Variants in BIRC6 observed in about 807,000 individuals in gnomAD.
BIRC6 encodes the protein baculoviral IAP repeat containing 6.
Under a neutral mutation model 503.3 loss-of-function variants are expected in BIRC6, and 98 were observed. The observed-to-expected ratio is 0.19, with a 90% CI of 0.17 to 0.23. The LOEUF (loss-of-function observed/expected upper bound fraction) is 0.23, where lower values mean the gene tolerates loss of function less well. Ranked by LOEUF, BIRC6 falls within the 10% of genes least tolerant of loss-of-function variation. The pLI is 1.00. For missense variants in BIRC6, 5,360 were observed against 5,806.0 expected, an observed-to-expected ratio of 0.92 and a Z score of 2.50; for synonymous variants, 2,240 against 2,078.7, an observed-to-expected ratio of 1.08 and a Z score of -2.11.
intron 66 of BIRC6, among the ~76,000 whole-genome samples, chr2:32,575,795 C>T (rs1193194440): frequency 6.6e-6 from 1 of 151,992 alleles, no homozygotes; most frequent in Admixed American, 6.6e-5. Flanking sequence ...ACATGCACAC[C>T]CTCACACACA....
rs377720984 is a variant in BIRC6 at position 32,493,781 on chromosome 2, C to T, written c.8468+114C>T. The T allele has an allele frequency of 1.1e-5, 9 of 832,432 alleles. No individual in the cohort carries two copies. In the East Asian group the frequency reaches 1.1e-4, roughly 10 times the overall value. 51.6% of individuals were successfully genotyped at this position (832,432 alleles called of 1,614,324 possible). A position where few individuals can be genotyped will look rare whatever the true frequency, so the allele number is the denominator to read the frequency against. On this transcript the variant is annotated intron_variant, in intron 45 of 73. Transcript: ENST00000421745. ...ATCTGTGAACAAATAAGCAGGAGGA[C>T]GGTAGTAATTAAGGGGGAAGGATAT... is the stretch of plus-strand genomic sequence containing the variant.
At chr2:32,491,826 A>G (rs1166263080) in intron 44 of BIRC6, among the ~76,000 whole-genome samples, 6 of 152,160 alleles carry the variant, frequency 3.9e-5, no homozygotes, top group Non-Finnish European at 8.8e-5. Context: ...AAACATTCTG[A>G]GTAAATACTG....
intron 65 of BIRC6, among the ~76,000 whole-genome samples, chr2:32,561,766 TG>T (rs538631943): frequency 0.49 from 1,280 of 2,606 alleles, 10 homozygotes; most frequent in Middle Eastern, 0.5. Flanking sequence ...TAGATTTTGC[TG>T]GGGGCAGTGC....
rs146115856 is a variant in BIRC6, at chr2:32,469,483, A to G, written c.6216A>G (p.Pro2072=). Residue 2072 remains proline (P), a synonymous_variant, in exon 30 of 74, where the codon CCA becomes CCG. Coordinates refer to ENST00000421745, the MANE Select transcript of BIRC6 (RefSeq NM_016252.4). The stretch of plus-strand genomic sequence containing the variant: ...AACACTTGTGCATCAGTGGAACCCC[A>G]AAGATACGGTTACATACTGGTCTTC... The part of the protein sequence containing the change: ...LFKHLCISGT[P]KIRLHTGLLL... 8.1e-6 allele frequency: 13 copies of G among 1,613,818 alleles called. No homozygotes were observed. The highest frequency in any genetic ancestry group is 1.0e-5 in the Non-Finnish European group (12 of 1,179,840).
intron 59 of BIRC6, 190 bp from the exon 60 acceptor site, chr2:32,529,461 G>T (rs1056715312): frequency 8.0e-6 from 4 of 497,614 alleles, no homozygotes; most frequent in Non-Finnish European, 1.4e-5. Flanking sequence ...AGACATTATT[G>T]TTCATTATTA....
At chr2:32,575,484 G>C in intron 66 of BIRC6, 118 bp downstream of exon 66, 1 of 919,124 alleles carries the variant, frequency 1.1e-6, no homozygotes, top group Non-Finnish European at 1.7e-6. Flanking sequence ...TACACCCTCG[G>C]CTGGGTGCGG....
chr2:32,513,107 G>A lies in BIRC6; in HGVS notation c.10521G>A (p.Leu3507=), dbSNP rs759435774. ...CCATTCTGTGGCATAGTTATGAGCT[G>A]CTTGTAGAATATGACTTACCAGCAC... ...VAAILWHSYE[L]LVEYDLPALL... The change falls in exon 54 of 74, where the codon CTG becomes CTA. Residue 3507 remains leucine, a synonymous_variant. Coordinates refer to ENST00000421745, the MANE Select transcript of BIRC6 (RefSeq NM_016252.4). 6.2e-7 allele frequency: 1 copy of A among 1,613,828 alleles called. No homozygotes were observed. Among genetic ancestry groups the A allele is most frequent in the Non-Finnish European group, 8.5e-7 (1 of 1,179,846 alleles).
At position 32,461,068 on chromosome 2, in the gene BIRC6, T is replaced by TTCTTC. The variant is rs2047890509; in HGVS notation, c.4754-2123_4754-2122insTCTCT. On this transcript the variant is annotated intron_variant, in intron 23 of 73. Transcript: ENST00000421745. ...TTCTCTTCTCTTCTCTTCTCTTCTG[T>TTCTTC]TCTCCTCTCCTCTCCTCTCCTCTCC... Among the ~76,000 whole-genome samples the TTCTTC allele has an allele frequency of 4.4e-3, 117 of 26,876 alleles. 2 individuals are homozygous for TTCTTC. The highest frequency in any genetic ancestry group is 9.2e-3 in the African/African-American group (83 of 8,978). The allele number at this position is 26,876 out of a possible 152,430, so 17.6% of individuals were successfully genotyped here.
At chr2:32,460,995 CTG>C (rs1296018481) in intron 23 of BIRC6, among the ~76,000 whole-genome samples, 1 of 137,436 alleles carries the variant, frequency 7.3e-6, no homozygotes, top group Non-Finnish European at 1.6e-5. Flanking sequence ...CTGCTCTGCT[CTG>C]CTCTCTTCTC....
At position 32,468,278 on chromosome 2, in the gene BIRC6, GATTA is replaced by G. The variant is rs368527455; in HGVS notation, c.5781-152_5781-149del. ...AACACTTAATGCGTGAAAATATTGT[GATTA>G]ATTAATGGGCTCCATTTATTAGTAC... is the stretch of plus-strand genomic sequence containing the variant. On this transcript the variant is annotated intron_variant, in intron 28 of 73. Coordinates refer to ENST00000421745, the MANE Select transcript of BIRC6 (RefSeq NM_016252.4). 8.5e-5 allele frequency among the ~76,000 whole-genome samples: 13 copies of G among 152,258 alleles called. 1 individual carries two copies. The East Asian group carries it at 1.3e-3, about 16-fold the overall frequency.
At chr2:32,529,378 T>C (rs2056549165) in intron 59 of BIRC6, 1 of 295,230 alleles carries the variant, frequency 3.4e-6, no homozygotes, top group Admixed American at 4.9e-5. Context: ...TAGAAAAAAA[T>C]GTCCCACATC....
chr2:32,579,676 G>C (rs1458100623), intron 66 of BIRC6, among the ~76,000 whole-genome samples: 1 of 152,032 alleles, frequency 6.6e-6, no homozygotes, highest in East Asian at 1.9e-4. Context: ...GCGACAGAGT[G>C]AGACCCACTC....
At chr2:32,416,828 C>G (rs545084265) in intron 10 of BIRC6, among the ~76,000 whole-genome samples, 4 of 144,032 alleles carry the variant, frequency 2.8e-5, no homozygotes, top group South Asian at 2.3e-4. Context: ...CCGTCCTCTC[C>G]CCTCCTTTCT....
intron 15 of BIRC6, among the ~76,000 whole-genome samples, chr2:32,438,234 G>GT (rs1472398082): frequency 1.3e-5 from 2 of 152,142 alleles, no homozygotes; most frequent in Non-Finnish European, 2.9e-5. Flanking sequence ...TAAGTGCTAA[G>GT]TTTTTTTGGA....
intron 39 of BIRC6, 93 bp from the exon 40 acceptor site, chr2:32,485,550 C>T (rs1366114384): frequency 2.5e-6 from 2 of 786,134 alleles, no homozygotes; most frequent in African/African-American, 1.7e-5. Flanking sequence ...TCTTCATCCT[C>T]TCTTGGGTTC....
chr2:32,508,397 A>T, intron 51 of BIRC6, 138 bp downstream of exon 51: 4 of 1,170,986 alleles, frequency 3.4e-6, no homozygotes, highest in South Asian at 1.7e-5. Context: ...TCTGTATAAT[A>T]CAATTTTATT....
Position 32,430,113 on chromosome 2 carries a change from A to T in BIRC6, c.3023-752A>T, listed in dbSNP as rs75674527. On this transcript the variant is annotated intron_variant, in intron 11 of 73. Coordinates refer to ENST00000421745, the MANE Select transcript of BIRC6 (RefSeq NM_016252.4). The stretch of plus-strand genomic sequence containing the variant: ...GAGAAAAAGATGTAATTTGAATTAA[A>T]CTTGTAATAATTTTATAGAACTTGC... 4.9e-3 allele frequency among the ~76,000 whole-genome samples: 749 copies of T among 152,246 alleles called. 8 individuals are homozygous for T. Among genetic ancestry groups the T allele is most frequent in the Non-Finnish European group, 4.0e-3 (272 of 67,992 alleles).
At chr2:32,488,521 T>A in intron 41 of BIRC6, 67 bp from the exon 42 acceptor site, 1 of 1,293,840 alleles carries the variant, frequency 7.7e-7, no homozygotes, top group Non-Finnish European at 1.0e-6. Flanking sequence ...CATAAGATTT[T>A]TGTTTAAATT....
In BIRC6 at chr2:32,397,616, G is replaced by A. The variant is rs372467024; in HGVS notation, c.1034+2023G>A. On this transcript the variant is annotated intron_variant, in intron 6 of 73. Transcript: ENST00000421745. Reference sequence around the variant, plus strand: ...TGTGTGTGTGTGTGTATATATGTGTGTATATATATATATGTATATATATAC... The same window carrying A: ...TGTGTGTGTGTGTGTATATATGTGTATATATATATATATGTATATATATAC... Among the ~76,000 whole-genome samples, 1,073 of 137,572 alleles carry A rather than the reference G, an allele frequency of 7.8e-3. 9 individuals carry two copies. The highest frequency in any genetic ancestry group is 0.02 in the Middle Eastern group (5 of 246). 90.3% of individuals were successfully genotyped at this position (137,572 alleles called of 152,430 possible). A position where few individuals can be genotyped will look rare whatever the true frequency, so the allele number is the denominator to read the frequency against.
Sources: allele counts gnomAD v4.1 joint callset (sites outside exome capture counted in the v4.1 genomes callset), GRCh38; gene constraint gnomAD v4.1.1; transcripts MANE v1.5; gene names NCBI Gene and HGNC (gene_info 2026-07-23, HGNC 2026-07-21).